Variants in GSG1L observed in about 807,000 individuals in gnomAD.
The protein encoded by GSG1L is germ cell-specific gene 1-like protein.
A neutral mutation model predicts 42.1 loss-of-function variants in GSG1L; 24 were observed. That is an observed-to-expected ratio of 0.57 (90% CI 0.41 to 0.80). GSG1L has a LOEUF of 0.80. GSG1L is among the 30% of genes least tolerant of loss of function. The pLI is 0.00. For synonymous variants in GSG1L, 215 were observed against 203.5 expected (o/e 1.06, Z -0.48); for missense variants, 445 against 472.2 (o/e 0.94, Z 0.53).
At chr16:27,915,356 A>G (rs751294765) in intron 2 of GSG1L, among the ~76,000 whole-genome samples, 4 of 152,196 alleles carry the variant, frequency 2.6e-5, no homozygotes, top group Admixed American at 6.6e-5. Flanking sequence ...TTGGTTACAA[A>G]AGAAATATTT....
chr16:27,861,976 T>C (rs2083658456), intron 3 of GSG1L, among the ~76,000 whole-genome samples: 1 of 152,208 alleles, frequency 6.6e-6, no homozygotes, highest in Admixed American at 6.5e-5. Context: ...CTCTCTCAGA[T>C]GTGACCCAAC....
At chr16:27,991,616 G>A (rs2085457352) in intron 1 of GSG1L, among the ~76,000 whole-genome samples, 1 of 151,672 alleles carries the variant, frequency 6.6e-6, no homozygotes, top group Non-Finnish European at 1.5e-5. Context: ...TGTTGGTCAG[G>A]TTGGTCTCAA....
At chr16:27,961,536 C>G (rs1354869607) in intron 2 of GSG1L, among the ~76,000 whole-genome samples, 1 of 152,192 alleles carries the variant, frequency 6.6e-6, no homozygotes, top group East Asian at 1.9e-4. Context: ...GTTTCTTCAT[C>G]TGTCAGGTGG....
chr16:27,958,769 G>A (rs1251446710), intron 2 of GSG1L, among the ~76,000 whole-genome samples: 5 of 151,988 alleles, frequency 3.3e-5, no homozygotes, highest in East Asian at 2.0e-4. Context: ...TCCACCTCCC[G>A]GTTCAAGCCA....
intron 3 of GSG1L, among the ~76,000 whole-genome samples, chr16:27,854,168 G>GGGTCTTCTCCT (rs1567488050): frequency 6.6e-6 from 1 of 151,162 alleles, no homozygotes; most frequent in Non-Finnish European, 1.5e-5. Context: ...GAGGGGACTG[G>GGGTCTTCTCCT]GACGCAGGGG....
chr16:27,799,146 G>A (rs1167669240), intron 6 of GSG1L, among the ~76,000 whole-genome samples: 3 of 151,872 alleles, frequency 2.0e-5, no homozygotes, highest in African/African-American at 7.3e-5. Context: ...TCTCATGCCT[G>A]TAATCCCAGC....
Position 27,912,876 on chromosome 16 carries a change from T to C in GSG1L, c.398-28238A>G, listed in dbSNP as rs907514678. Among the ~76,000 whole-genome samples the C allele has an allele frequency of 2.0e-5, 3 of 152,272 alleles. No homozygotes were observed. The East Asian group carries it at 5.8e-4, about 29-fold the overall frequency. The stretch of plus-strand genomic sequence containing the variant: ...GGTTATCGACAGTAGAATGGATAAA[T>C]AAATTGTGGTGTATTCACAGCATAG... On this transcript the variant is annotated intron_variant, in intron 2 of 6. Transcript: ENST00000447459.
intron 2 of GSG1L, among the ~76,000 whole-genome samples, chr16:27,891,288 C>G (rs1215938405): frequency 6.6e-6 from 1 of 152,138 alleles, no homozygotes; most frequent in African/African-American, 2.4e-5. Flanking sequence ...ATTCTCTTTT[C>G]CCTGATTTTT....
At chr16:27,992,690 A>G (rs1228067641) in intron 1 of GSG1L, among the ~76,000 whole-genome samples, 1 of 152,186 alleles carries the variant, frequency 6.6e-6, no homozygotes, top group Non-Finnish European at 1.5e-5. Flanking sequence ...TGCTCATTGC[A>G]GAACACGCTT....
chr16:27,909,202 C>T (rs1031116956), intron 2 of GSG1L, among the ~76,000 whole-genome samples: 2 of 152,104 alleles, frequency 1.3e-5, no homozygotes, highest in African/African-American at 4.8e-5. Context: ...ATGGTGCTTA[C>T]CTCATTGTCA....
chr16:27,854,154 C>T (rs1301496229), intron 3 of GSG1L, among the ~76,000 whole-genome samples: 1 of 150,550 alleles, frequency 6.6e-6, no homozygotes, highest in Non-Finnish European at 1.5e-5. Context: ...AAGTTGCTCG[C>T]CTGGAGGGGA....
intron 2 of GSG1L, among the ~76,000 whole-genome samples, chr16:27,926,745 C>T (rs2084597944): frequency 6.6e-6 from 1 of 152,104 alleles, no homozygotes; most frequent in South Asian, 2.1e-4. Context: ...GGAGAAGCAA[C>T]TCATTGAAGA....
intron 2 of GSG1L, among the ~76,000 whole-genome samples, chr16:27,944,091 G>T (rs1484001156): frequency 3.3e-5 from 5 of 152,162 alleles, no homozygotes; most frequent in Non-Finnish European, 7.3e-5. Context: ...TTTGGTAGTG[G>T]CCAGGAAGGG....
At chr16:27,821,213 T>C (rs904712664) in intron 5 of GSG1L, among the ~76,000 whole-genome samples, 8 of 152,182 alleles carry the variant, frequency 5.3e-5, no homozygotes, top group African/African-American at 1.9e-4. Flanking sequence ...GTTGTTGCCA[T>C]GCTGGAACAT....
chr16:27,950,830 A>C (rs892650306), intron 2 of GSG1L, among the ~76,000 whole-genome samples: 2 of 152,070 alleles, frequency 1.3e-5, no homozygotes, highest in Middle Eastern at 3.2e-3. Flanking sequence ...ACTTCCTCTG[A>C]CACCCCTCAT....
intron 6 of GSG1L, among the ~76,000 whole-genome samples, chr16:27,804,037 G>GGATAGATAGATACAGAT (rs1455236652): frequency 3.8e-5 from 5 of 132,676 alleles, no homozygotes; most frequent in African/African-American, 1.2e-4. Context: ...TAGATTAGAT[G>GGATAGATAGATACAGAT]GATAGATAGA....
At chr16:27,825,147 A>G (rs1026305859) in intron 5 of GSG1L, among the ~76,000 whole-genome samples, 2 of 152,174 alleles carry the variant, frequency 1.3e-5, no homozygotes, top group African/African-American at 4.8e-5. Flanking sequence ...GATGGTGGAG[A>G]TGGAAATAAA....
intron 1 of GSG1L, among the ~76,000 whole-genome samples, chr16:28,048,876 T>TA (rs912221057): frequency 2.6e-5 from 4 of 152,112 alleles, no homozygotes; most frequent in South Asian, 2.1e-4. Flanking sequence ...ATCAGAAAAT[T>TA]AAAAAAACAG....
At chr16:27,826,972 G>A (rs748802597) in intron 5 of GSG1L, among the ~76,000 whole-genome samples, 13 of 152,168 alleles carry the variant, frequency 8.5e-5, no homozygotes, top group Non-Finnish European at 1.6e-4. Context: ...CTGAGGCACT[G>A]CCAGCTCTGA....
Sources: gnomAD v4.1 joint callset for allele counts (sites outside exome capture counted in the v4.1 genomes callset) on GRCh38, gnomAD v4.1.1 for gene constraint, MANE v1.5 for transcripts, NCBI Gene and HGNC (gene_info 2026-07-23, HGNC 2026-07-21) for gene names.